The following FBXL17 variants were observed in gnomAD, a reference collection of about 807,000 sequenced individuals.
FBXL17 encodes the protein F-box/LRR-repeat protein 17.
In FBXL17, 22 loss-of-function variants were observed where a neutral mutation model predicts 66.2. The ratio of observed to expected loss-of-function variants is 0.33; its 90% CI spans 0.24 to 0.47. The LOEUF (loss-of-function observed/expected upper bound fraction) is 0.47. Ranked by LOEUF, FBXL17 falls within the 20% of genes least tolerant of loss-of-function variation. The pLI is 1.00. For synonymous variants in FBXL17, 474 were observed against 400.5 expected (o/e 1.18, Z -2.19); for missense variants, 878 against 948.2 (o/e 0.93, Z 0.97).
intron 6 of FBXL17, among the ~76,000 whole-genome samples, chr5:108,051,210 G>A (rs751355155): frequency 7.2e-5 from 11 of 152,186 alleles, no homozygotes; most frequent in Non-Finnish European, 1.6e-4. Context: ...AATTGAAAAG[G>A]AGGGACTCCT....
chr5:108,209,467 AT>A (rs1754271688), intron 5 of FBXL17, among the ~76,000 whole-genome samples: 1 of 152,144 alleles, frequency 6.6e-6, no homozygotes, highest in Non-Finnish European at 1.5e-5. Context: ...AACTCTTATT[AT>A]TTTGAGATAT....
chr5:107,862,673 G>T (rs1245640906), intron 8 of FBXL17, among the ~76,000 whole-genome samples: 1 of 152,134 alleles, frequency 6.6e-6, no homozygotes, highest in African/African-American at 2.4e-5. Context: ...TTGAACACTT[G>T]AGCATTTTCA....
chr5:108,364,889 G>A lies in FBXL17; in HGVS notation c.1223C>T (p.Ala408Val). The change falls in exon 3 of 9, where the codon GCA (alanine) becomes GTA (valine). Residue 408 changes from alanine to valine, a missense_variant. Physicochemically the swap from Ala to Val is moderately conservative, Grantham distance 64. Coordinates refer to ENST00000542267, the MANE Select transcript of FBXL17 (RefSeq NM_001163315.3). ...CCTAAGAAGTCCAGGACATTTAAAT[G>A]CTAAAACACATACGCCATTATCAGA... ...SMSDNGVCVLAFKCPGLLRYT... is the reference protein window; with the variant it reads ...SMSDNGVCVLVFKCPGLLRYT... The A allele has an allele frequency of 6.2e-7, 1 of 1,612,990 alleles. No homozygotes were observed. The highest frequency in any genetic ancestry group is 8.5e-7 in the Non-Finnish European group (1 of 1,179,236).
At chr5:108,359,214 G>C (rs948028395) in intron 3 of FBXL17, among the ~76,000 whole-genome samples, 3 of 152,028 alleles carry the variant, frequency 2.0e-5, no homozygotes, top group Non-Finnish European at 4.4e-5. Flanking sequence ...AGTCAATCTA[G>C]TTAAAGGTTT....
intron 6 of FBXL17, among the ~76,000 whole-genome samples, chr5:108,106,718 T>C (rs779583632): frequency 6.6e-6 from 1 of 152,068 alleles, no homozygotes; most frequent in African/African-American, 2.4e-5. Flanking sequence ...AGACAAAAAG[T>C]AGATTGGTAG....
In FBXL17 at chr5:108,181,694, T is replaced by C. The variant is rs150245399; in HGVS notation, c.1745+4423A>G. Reference sequence around the variant, plus strand: ...AAATCCTTTATTAAAACTAGCAACATTCAGGATAAATCTTTGTAATAGGTA... The same window carrying C: ...AAATCCTTTATTAAAACTAGCAACACTCAGGATAAATCTTTGTAATAGGTA... On this transcript the variant is annotated intron_variant, in intron 6 of 8. Transcript: ENST00000542267. Among the ~76,000 whole-genome samples, 1,145 of 152,268 alleles carry C rather than the reference T, an allele frequency of 7.5e-3. 16 individuals are homozygous for C. Among genetic ancestry groups the C allele is most frequent in the African/African-American group, 0.025 (1,057 of 41,570 alleles).
intron 4 of FBXL17, among the ~76,000 whole-genome samples, chr5:108,239,571 C>G (rs1333657995): frequency 6.6e-6 from 1 of 152,194 alleles, no homozygotes; most frequent in Non-Finnish European, 1.5e-5. Context: ...TTTTGGCAAG[C>G]CTCCTACTGT....
intron 7 of FBXL17, among the ~76,000 whole-genome samples, chr5:108,009,824 T>G (rs1000494567): frequency 6.6e-6 from 1 of 152,170 alleles, no homozygotes; most frequent in African/African-American, 2.4e-5. Context: ...ATCTGTCTGG[T>G]TCTTTGCCTC....
chr5:108,303,877 T>A (rs1404144357), intron 4 of FBXL17, among the ~76,000 whole-genome samples: 1 of 151,936 alleles, frequency 6.6e-6, no homozygotes, highest in Non-Finnish European at 1.5e-5. Flanking sequence ...ATTTTGAATT[T>A]CAAGTGAAAA....
At chr5:108,036,144 T>A (rs1451832690) in intron 6 of FBXL17, among the ~76,000 whole-genome samples, 1 of 152,200 alleles carries the variant, frequency 6.6e-6, no homozygotes, top group Non-Finnish European at 1.5e-5. Flanking sequence ...TGTGCCAGTT[T>A]TTTTTGTTGC....
chr5:108,092,508 GT>G (rs1398671954), intron 6 of FBXL17, among the ~76,000 whole-genome samples: 1 of 152,070 alleles, frequency 6.6e-6, no homozygotes, highest in Non-Finnish European at 1.5e-5. Flanking sequence ...TAGATATGGG[GT>G]TTTGCCATGT....
chr5:108,210,965 T>G (rs1194839754), intron 5 of FBXL17, among the ~76,000 whole-genome samples: 1 of 152,178 alleles, frequency 6.6e-6, no homozygotes, highest in Non-Finnish European at 1.5e-5. Flanking sequence ...TGTAGGTCTC[T>G]AAGACTTGCT....
intron 6 of FBXL17, among the ~76,000 whole-genome samples, chr5:108,049,192 G>A (rs766448589): frequency 2.0e-5 from 3 of 151,838 alleles, no homozygotes; most frequent in Admixed American, 6.6e-5. Flanking sequence ...GCCCAGGCTG[G>A]AGTGCAGCGG....
chr5:108,024,856 A>C (rs896981633), intron 6 of FBXL17, among the ~76,000 whole-genome samples: 2 of 152,176 alleles, frequency 1.3e-5, no homozygotes, highest in South Asian at 4.1e-4. Flanking sequence ...TTTTTTTTCA[A>C]AGATGAGAAG....
In FBXL17 at chr5:108,348,453, G is replaced by A. The variant is rs374063148; in HGVS notation, c.1452C>T (p.Val484=). ...GTAATTTCAGACAGCCCTTAGCTAT[G>A]ACGATCATGCCTTCATCTGAGATCT... ...CYKISDEGMI[V]IAKGCLKLQR... The change falls in exon 4 of 9, where the codon GTC becomes GTT. Residue 484 remains valine (V), a synonymous_variant. Transcript: ENST00000542267. The A allele has an allele frequency of 2.1e-5, 34 of 1,613,494 alleles. No individual in the cohort carries two copies. Among genetic ancestry groups the A allele is most frequent in the Non-Finnish European group, 2.8e-5 (33 of 1,179,668 alleles).
rs571851682 is a variant in FBXL17 at position 107,966,317 on chromosome 5, C to G, written c.1822+54608G>C. ...ATTACATTTAGTACCAGACTCTCACCCCTGTTTTCAGACTGATCTCACCCT... is the reference window on the plus strand; with the variant it reads ...ATTACATTTAGTACCAGACTCTCACGCCTGTTTTCAGACTGATCTCACCCT... On this transcript the variant is annotated intron_variant, in intron 7 of 8. Transcript: ENST00000542267. Among the ~76,000 whole-genome samples, 18 of 152,180 alleles carry G rather than the reference C, an allele frequency of 1.2e-4. No homozygotes were observed. In the East Asian group the frequency reaches 3.5e-3, roughly 29 times the overall value.
chr5:108,270,989 C>T (rs991278380), intron 4 of FBXL17, among the ~76,000 whole-genome samples: 1 of 151,986 alleles, frequency 6.6e-6, no homozygotes, highest in Non-Finnish European at 1.5e-5. Flanking sequence ...TTCCCTACCT[C>T]CCTGTGTAAG....
At chr5:108,131,130 T>C (rs1750917056) in intron 6 of FBXL17, among the ~76,000 whole-genome samples, 1 of 152,148 alleles carries the variant, frequency 6.6e-6, no homozygotes, top group African/African-American at 2.4e-5. Context: ...TTTATATCTA[T>C]TCTGACACAA....
At chr5:108,160,925 C>A (rs1752186940) in intron 6 of FBXL17, among the ~76,000 whole-genome samples, 1 of 152,096 alleles carries the variant, frequency 6.6e-6, no homozygotes, top group Non-Finnish European at 1.5e-5. Flanking sequence ...TGAAGGGAGC[C>A]ATTTCCCTTG....
Sources: gnomAD v4.1 joint callset for allele counts (sites outside exome capture counted in the v4.1 genomes callset) on GRCh38, gnomAD v4.1.1 for gene constraint, MANE v1.5 for transcripts, NCBI Gene and HGNC (gene_info 2026-07-23, HGNC 2026-07-21) for gene names.